Variants in RFX8 observed in about 807,000 individuals in gnomAD.
The protein encoded by RFX8 is DNA-binding protein RFX8.
A neutral mutation model predicts 54.6 loss-of-function variants in RFX8; 46 were observed. That is an observed-to-expected ratio of 0.84 (90% CI 0.67 to 1.08). The LOEUF is 1.08. Among genes scored for constraint, RFX8 ranks in the 50% least tolerant of loss-of-function variants. The pLI, the probability that RFX8 is intolerant of heterozygous loss-of-function variation, is 0.00. For missense variants in RFX8, 536 were observed against 562.3 expected, an observed-to-expected ratio of 0.95 and a Z score of 0.47; for synonymous variants, 192 against 209.5, an observed-to-expected ratio of 0.92 and a Z score of 0.72.
intron 2 of RFX8, among the ~76,000 whole-genome samples, chr2:101,451,671 A>AGTTGCATT: frequency 7.0e-6 from 1 of 142,362 alleles, no homozygotes; most frequent in Non-Finnish European, 1.5e-5. Context: ...CCTGGGCGAC[A>AGTTGCATT]AGGGTGAAAC....
chr2:101,454,410 C>T (rs1452477772), intron 2 of RFX8, among the ~76,000 whole-genome samples: 1 of 152,026 alleles, frequency 6.6e-6, no homozygotes, highest in Admixed American at 6.5e-5. Flanking sequence ...GGGTATATAC[C>T]CAGTAATGGG....
In RFX8 at chr2:101,402,643, C is replaced by T. The variant is rs758513252; in HGVS notation, c.1038G>A (p.Met346Ile). The T allele has an allele frequency of 8.4e-6, 13 of 1,553,070 alleles. No homozygotes were observed. Among genetic ancestry groups the T allele is most frequent in the Admixed American group, 2.0e-5 (1 of 51,144 alleles). The change falls in exon 11 of 12, where the codon ATG becomes ATA. Residue 346 changes from methionine to isoleucine, a missense_variant. Transcript: ENST00000428343. ...EEEDMGTVKEMLPDDPTLGQP... is the reference protein window; with the variant it reads ...EEEDMGTVKEILPDDPTLGQP... ...GGCCGAGAGTCGGGTCATCTGGTAGCATTTCCTTGACAGTCCCCATGTCCT... is the reference window on the plus strand; with the variant it reads ...GGCCGAGAGTCGGGTCATCTGGTAGTATTTCCTTGACAGTCCCCATGTCCT...
intron 2 of RFX8, among the ~76,000 whole-genome samples, chr2:101,436,766 C>A (rs966214801): frequency 6.6e-6 from 1 of 152,204 alleles, no homozygotes; most frequent in South Asian, 2.1e-4. Flanking sequence ...ACCATGGGGA[C>A]TGACCACCTC....
At chr2:101,470,533 C>T (rs182943260) in intron 1 of RFX8, among the ~76,000 whole-genome samples, 49 of 152,204 alleles carry the variant, frequency 3.2e-4, no homozygotes, top group African/African-American at 1.0e-3. Flanking sequence ...TCACTAGATT[C>T]CTTGCTTAGC....
intron 5 of RFX8, among the ~76,000 whole-genome samples, chr2:101,418,544 C>G (rs1278288459): frequency 6.6e-6 from 1 of 152,192 alleles, no homozygotes; most frequent in African/African-American, 2.4e-5. Context: ...TATTACAATT[C>G]CAATTATTCA....
chr2:101,415,587 G>A (rs527538495), intron 6 of RFX8, among the ~76,000 whole-genome samples: 44 of 150,710 alleles, frequency 2.9e-4, no homozygotes, highest in African/African-American at 1.1e-3. Flanking sequence ...GGATGAAAAG[G>A]GAACGCATAG....
At chr2:101,441,974 C>T (rs953017254) in intron 2 of RFX8, among the ~76,000 whole-genome samples, 2 of 152,112 alleles carry the variant, frequency 1.3e-5, no homozygotes, top group African/African-American at 2.4e-5. Context: ...TTTGGTTCTT[C>T]TTCTTCTATT....
At chr2:101,410,299 T>A (rs1282833857) in intron 9 of RFX8, among the ~76,000 whole-genome samples, 1 of 150,678 alleles carries the variant, frequency 6.6e-6, no homozygotes, top group South Asian at 2.1e-4. Flanking sequence ...CACACTCACA[T>A]ACACACATGC....
At chr2:101,447,685 T>TG (rs1688466395) in intron 2 of RFX8, among the ~76,000 whole-genome samples, 1 of 152,234 alleles carries the variant, frequency 6.6e-6, no homozygotes, top group Non-Finnish European at 1.5e-5. Flanking sequence ...GTCACCCTAC[T>TG]GGGCTATCAA....
Position 101,438,788 on chromosome 2 carries a change from A to G in RFX8, c.73-16316T>C, listed in dbSNP as rs1362626345. Among the ~76,000 whole-genome samples, 5 of 152,238 alleles carry G rather than the reference A, an allele frequency of 3.3e-5. No homozygotes were observed. The East Asian group carries it at 9.7e-4, about 29-fold the overall frequency. On this transcript the variant is annotated intron_variant, in intron 2 of 11. Coordinates refer to ENST00000428343, the MANE Select transcript of RFX8 (RefSeq NM_001145664.2). ...GTCAATCTGGTAGGTGTGTAGTGAC[A>G]TCTCATTGTGGTTTTATGTTTTATT...
rs1686873973 is a variant in RFX8 at position 101,421,707 on chromosome 2, A to G, written c.237+17T>C. 6 of 1,548,062 alleles carry G rather than the reference A, an allele frequency of 3.9e-6. No individual in the cohort carries two copies. Among genetic ancestry groups the G allele is most frequent in the African/African-American group, 1.4e-5 (1 of 72,988 alleles). On this transcript the variant is annotated intron_variant, in intron 4 of 11. Transcript: ENST00000428343. Reference sequence around the variant, plus strand: ...TTATAGATAAAACCCTACCCTCTCAAGTTCTCAGTTCCTCACATTTCGTAA... The same window carrying G: ...TTATAGATAAAACCCTACCCTCTCAGGTTCTCAGTTCCTCACATTTCGTAA...
chr2:101,413,209 C>A, intron 7 of RFX8, 138 bp from the exon 8 acceptor site: 3 of 700,526 alleles, frequency 4.3e-6, no homozygotes, highest in Non-Finnish European at 4.8e-6. Flanking sequence ...AAAAATGAAT[C>A]TTAAACAAGA....
chr2:101,401,356 A>G (rs1450805614), intron 11 of RFX8, among the ~76,000 whole-genome samples: 1 of 152,052 alleles, frequency 6.6e-6, no homozygotes, highest in African/African-American at 2.4e-5. Flanking sequence ...CAATCGGAGA[A>G]CTCGCAATGA....
chr2:101,428,932 T>C, intron 2 of RFX8: 1 of 1,445,200 alleles, frequency 6.9e-7, no homozygotes, highest in Non-Finnish European at 9.4e-7. Context: ...TCTGTTATAG[T>C]AAATCTGTTT....
At chr2:101,439,596 C>CTTTTTTTTTTTTTTTTTTTTTTTT (rs139433618) in intron 2 of RFX8, among the ~76,000 whole-genome samples, 2 of 143,604 alleles carry the variant, frequency 1.4e-5, no homozygotes, top group Non-Finnish European at 1.5e-5. Context: ...GATTGAAGTT[C>CTTTTTTTTTTTTTTTTTTTTTTTT]ATTTTTTTTT....
At chr2:101,411,334 G>C (rs143192268) in intron 8 of RFX8, among the ~76,000 whole-genome samples, 1 of 152,192 alleles carries the variant, frequency 6.6e-6, no homozygotes, top group African/African-American at 2.4e-5. Flanking sequence ...GTGGAGGTGC[G>C]CTTGGACTTG....
chr2:101,468,349 T>A (rs948864400), intron 1 of RFX8, among the ~76,000 whole-genome samples: 4 of 152,160 alleles, frequency 2.6e-5, no homozygotes, highest in African/African-American at 9.7e-5. Flanking sequence ...TTGCTGGAAA[T>A]CCTCGGTGTT....
rs560560398 is a variant in RFX8, at chr2:101,459,168, G to C, written c.72+7609C>G. On this transcript the variant is annotated intron_variant, in intron 2 of 11. Coordinates refer to ENST00000428343, the MANE Select transcript of RFX8 (RefSeq NM_001145664.2). The stretch of plus-strand genomic sequence containing the variant: ...CAATGGGTTCAAACATCCTCCTTTA[G>C]CTTGGAGAAGTTTGTTATTACCGAC... Among the ~76,000 whole-genome samples the C allele has an allele frequency of 4.6e-5, 7 of 152,218 alleles. No individual in the cohort carries two copies. The South Asian group carries it at 1.5e-3, about 32-fold the overall frequency.
intron 2 of RFX8, among the ~76,000 whole-genome samples, chr2:101,446,572 A>G (rs1052473865): frequency 6.6e-6 from 1 of 152,046 alleles, no homozygotes; most frequent in Non-Finnish European, 1.5e-5. Flanking sequence ...TCTTGCCTTT[A>G]TCTTTGTCCT....
Sources: allele counts gnomAD v4.1 joint callset (sites outside exome capture counted in the v4.1 genomes callset), GRCh38; gene constraint gnomAD v4.1.1; transcripts MANE v1.5; gene names NCBI Gene and HGNC (gene_info 2026-07-23, HGNC 2026-07-21).